CSMD1: variants seen among roughly 807,000 people sequenced by gnomAD.
CSMD1 encodes CUB and Sushi multiple domains 1, also known as CUB and sushi domain-containing protein 1.
In CSMD1, 213 loss-of-function variants were observed where a neutral mutation model predicts 417.5. That is an observed-to-expected ratio of 0.51 (90% CI 0.46 to 0.57). CSMD1 has a LOEUF of 0.57. Ranked by LOEUF, CSMD1 falls within the 20% of genes least tolerant of loss-of-function variation. The pLI is 0.00. For missense variants in CSMD1, 6,923 were observed against 4,529.7 expected (o/e 1.53, Z -15.17); for synonymous variants, 2,862 against 1,736.8 (o/e 1.65, Z -16.11).
At chr8:3,877,219 A>G (rs1219046379) in intron 5 of CSMD1, among the ~76,000 whole-genome samples, 1 of 152,082 alleles carries the variant, frequency 6.6e-6, no homozygotes, top group Non-Finnish European at 1.5e-5. Flanking sequence ...TCAGCACCCC[A>G]CACTGCTTGC....
chr8:3,360,796 T>C (rs946530148), intron 20 of CSMD1, among the ~76,000 whole-genome samples: 8 of 152,206 alleles, frequency 5.3e-5, no homozygotes, highest in Admixed American at 4.6e-4. Flanking sequence ...TTATTTTCAC[T>C]GGACATATAA....
intron 51 of CSMD1, 25 bp downstream of exon 51, chr8:3,029,294 C>T (rs1336913399): frequency 5.7e-6 from 9 of 1,569,174 alleles, no homozygotes; most frequent in East Asian, 2.3e-5. Context: ...CCGTGACTTT[C>T]AGGGGTGCCT....
chr8:3,259,273 T>C (rs1454148974), intron 26 of CSMD1, among the ~76,000 whole-genome samples: 1 of 152,242 alleles, frequency 6.6e-6, no homozygotes, highest in Non-Finnish European at 1.5e-5. Flanking sequence ...CGTATGCATT[T>C]ATGAGTTTCT....
intron 1 of CSMD1, among the ~76,000 whole-genome samples, chr8:4,750,497 T>C (rs936109539): frequency 6.6e-6 from 1 of 152,330 alleles, no homozygotes; most frequent in Non-Finnish European, 1.5e-5. Flanking sequence ...AATTTCATAG[T>C]CATTATTATA....
chr8:3,452,150 T>A (rs2117110498), intron 12 of CSMD1, among the ~76,000 whole-genome samples: 1 of 152,336 alleles, frequency 6.6e-6, no homozygotes, highest in East Asian at 1.9e-4. Context: ...TGCTTGTGAT[T>A]TTTGCACACT....
chr8:4,551,854 A>ATTTT (rs776721276), intron 2 of CSMD1, among the ~76,000 whole-genome samples: 2,603 of 139,306 alleles, frequency 0.019, 64 homozygotes, highest in African/African-American at 0.048. Context: ...AATTTTTTGT[A>ATTTT]TTTTTTTTTT....
At chr8:4,482,207 A>G (rs1266529751) in intron 2 of CSMD1, among the ~76,000 whole-genome samples, 1 of 152,178 alleles carries the variant, frequency 6.6e-6, no homozygotes, top group Non-Finnish European at 1.5e-5. Flanking sequence ...TATTAAGCCA[A>G]GTACCCAGTA....
At chr8:3,256,192 G>T (rs1800637727) in intron 26 of CSMD1, among the ~76,000 whole-genome samples, 1 of 151,840 alleles carries the variant, frequency 6.6e-6, no homozygotes, top group South Asian at 2.1e-4. Context: ...GCTGGGCGTG[G>T]TGGTGGCACC....
chr8:4,397,621 A>C (rs1052623096), intron 3 of CSMD1, among the ~76,000 whole-genome samples: 2 of 149,654 alleles, frequency 1.3e-5, no homozygotes, highest in African/African-American at 2.5e-5. Flanking sequence ...TTTGCTAATG[A>C]AACAGACAAT....
intron 3 of CSMD1, among the ~76,000 whole-genome samples, chr8:4,391,066 C>T (rs1309302935): frequency 2.6e-5 from 4 of 152,176 alleles, no homozygotes; most frequent in African/African-American, 9.7e-5. Context: ...GCACTAGGGT[C>T]GTTGTCTAGA....
chr8:3,958,059 G>C (rs540822683), intron 5 of CSMD1, among the ~76,000 whole-genome samples: 1 of 152,144 alleles, frequency 6.6e-6, no homozygotes, highest in Admixed American at 6.5e-5. Flanking sequence ...CCTGTATACT[G>C]TTCATGTGCT....
intron 10 of CSMD1, among the ~76,000 whole-genome samples, chr8:3,497,731 G>A (rs867572320): frequency 6.6e-6 from 1 of 152,144 alleles, no homozygotes; most frequent in Non-Finnish European, 1.5e-5. Flanking sequence ...CTTAGATATT[G>A]CTTTTTAAAT....
At chr8:3,698,056 T>C (rs927002646) in intron 7 of CSMD1, among the ~76,000 whole-genome samples, 2 of 149,794 alleles carry the variant, frequency 1.3e-5, no homozygotes, top group Non-Finnish European at 3.0e-5. Context: ...TTTTTCTGTT[T>C]ATTTAAAAAA....
intron 2 of CSMD1, among the ~76,000 whole-genome samples, chr8:4,459,138 C>T (rs1324850469): frequency 1.3e-5 from 2 of 152,338 alleles, no homozygotes; most frequent in South Asian, 2.1e-4. Context: ...CATCCTTTCT[C>T]ATCCTCACAA....
chr8:4,049,290 G>C (rs897728574), intron 3 of CSMD1, among the ~76,000 whole-genome samples: 1 of 151,822 alleles, frequency 6.6e-6, no homozygotes, highest in Non-Finnish European at 1.5e-5. Context: ...GAGATTGTCT[G>C]GCTGTAGGAC....
At chr8:3,868,732 C>T (rs1323757954) in intron 5 of CSMD1, among the ~76,000 whole-genome samples, 1 of 152,194 alleles carries the variant, frequency 6.6e-6, no homozygotes, top group Non-Finnish European at 1.5e-5. Context: ...TCCTGACCCT[C>T]TGCTCTCTCA....
intron 2 of CSMD1, among the ~76,000 whole-genome samples, chr8:4,453,171 C>A (rs1399695491): frequency 6.6e-6 from 1 of 151,140 alleles, no homozygotes; most frequent in South Asian, 2.1e-4. Flanking sequence ...GCCCGTTCCC[C>A]CCTCCATCCC....
chr8:3,297,081 G>T (rs1473404122), intron 25 of CSMD1, among the ~76,000 whole-genome samples: 1 of 152,206 alleles, frequency 6.6e-6, no homozygotes, highest in Non-Finnish European at 1.5e-5. Flanking sequence ...TTGCCATTAA[G>T]CAGAAAGCAT....
intron 49 of CSMD1, among the ~76,000 whole-genome samples, chr8:3,073,782 T>G (rs1050771723): frequency 1.5e-5 from 2 of 132,622 alleles, no homozygotes; most frequent in African/African-American, 5.4e-5. Flanking sequence ...AATATAATGG[T>G]CAAAAAATTA....
Sources: allele counts gnomAD v4.1 joint callset (sites outside exome capture counted in the v4.1 genomes callset), GRCh38; gene constraint gnomAD v4.1.1; transcripts MANE v1.5; gene names NCBI Gene and HGNC (gene_info 2026-07-23, HGNC 2026-07-21).